Variants in TGM5 observed in about 807,000 individuals in gnomAD.
TGM5 encodes transglutaminase 5.
In TGM5, 69 loss-of-function variants were observed where a neutral mutation model predicts 77.2. The observed-to-expected ratio is 0.89, with a 90% CI of 0.74 to 1.09. TGM5 has a LOEUF of 1.09. Among genes scored for constraint, TGM5 ranks in the 50% least tolerant of loss-of-function variants. The probability of loss-of-function intolerance (pLI) is 0.00; values close to 1 mark genes in which losing one functional copy is unlikely to be tolerated. For synonymous variants in TGM5, 346 were observed against 351.8 expected (o/e 0.98, Z 0.18); for missense variants, 842 against 896.5 (o/e 0.94, Z 0.78).
In TGM5 at chr15:43,260,210, TC is replaced by T; in HGVS notation, c.277del (p.Glu93ArgfsTer10). 1 of 1,613,990 alleles carries T rather than the reference TC, an allele frequency of 6.2e-7. No homozygotes were observed. The highest frequency in any genetic ancestry group is 1.1e-5 in the South Asian group (1 of 91,084). On this transcript the variant is annotated frameshift_variant, in exon 3 of 13. Transcript: ENST00000220420. LOFTEE classifies it high-confidence loss of function. ...HSPSPWIAWL[E>X]TNGATSTEVS... ...CTCTGTGGAGGTGGCCCCATTGGTC[TC>T]CAGCCAGGCAATCCAGGGGCTGGGG...
chr15:43,243,950 G>A (rs530571514), intron 6 of TGM5, among the ~76,000 whole-genome samples: 2 of 152,174 alleles, frequency 1.3e-5, no homozygotes, highest in Non-Finnish European at 2.9e-5. Context: ...AGAGAGGTAA[G>A]GTCACAGGGC....
intron 9 of TGM5, among the ~76,000 whole-genome samples, chr15:43,236,152 A>C (rs1232283380): frequency 6.6e-6 from 1 of 152,180 alleles, no homozygotes; most frequent in South Asian, 2.1e-4. Flanking sequence ...ACTAGTAAGG[A>C]GCAGATCCCA....
intron 10 of TGM5, 62 bp from the exon 11 acceptor site, chr15:43,234,991 G>C: frequency 6.3e-7 from 1 of 1,584,752 alleles, no homozygotes; most frequent in Non-Finnish European, 8.6e-7. Flanking sequence ...ACCTGGGTTG[G>C]ACCTGGGTCT....
chr15:43,247,158 C>CAAAAAA (rs763763932), intron 6 of TGM5, among the ~76,000 whole-genome samples: 1 of 53,680 alleles, frequency 1.9e-5, no homozygotes, highest in African/African-American at 6.3e-5. Flanking sequence ...GACTCTGTCT[C>CAAAAAA]AAAAAAAAAA....
chr15:43,253,455 G>C (rs781074819), intron 5 of TGM5, 51 bp downstream of exon 5: 2 of 1,603,264 alleles, frequency 1.2e-6, no homozygotes, highest in East Asian at 2.2e-5. Flanking sequence ...TGAGTGGGCA[G>C]GGCTCCCGCT....
rs905288446 is a variant in TGM5, at chr15:43,248,866, G to A, written c.862+3893C>T. Reference sequence around the variant, plus strand: ...GTTTTAAAGGCCCCTACATAATTGAGTTAGAAAAATCTTAGATAATATCTA... The same window carrying A: ...GTTTTAAAGGCCCCTACATAATTGAATTAGAAAAATCTTAGATAATATCTA... On this transcript the variant is annotated intron_variant, in intron 6 of 12. Coordinates refer to ENST00000220420, the MANE Select transcript of TGM5 (RefSeq NM_201631.4). Among the ~76,000 whole-genome samples the A allele has an allele frequency of 5.9e-5, 9 of 152,274 alleles. No individual in the cohort carries two copies. The South Asian group carries it at 1.5e-3, about 25-fold the overall frequency.
chr15:43,245,952 A>G (rs1419980131), intron 6 of TGM5, among the ~76,000 whole-genome samples: 1 of 151,882 alleles, frequency 6.6e-6, no homozygotes, highest in Non-Finnish European at 1.5e-5. Context: ...GAGCACTACA[A>G]TCTACTCCCT....
At position 43,240,862 on chromosome 15, in the gene TGM5, CCTT is replaced by C. The variant is rs770430596; in HGVS notation, c.988_990del (p.Lys330del). The stretch of plus-strand genomic sequence containing the variant: ...GAGGTTGTTTCTCACCAGATAGTAT[CCTT>C]CTTCTTATTCCCCAAAATCCTGCCT... On this transcript the variant is annotated inframe_deletion, in exon 7 of 13. Coordinates refer to ENST00000220420, the MANE Select transcript of TGM5 (RefSeq NM_201631.4). 17 of 1,614,006 alleles carry C rather than the reference CCTT, an allele frequency of 1.1e-5. No homozygotes were observed. The highest frequency in any genetic ancestry group is 5.0e-5 in the Admixed American group (3 of 60,000).
chr15:43,246,538 C>T (rs911994009), intron 6 of TGM5, among the ~76,000 whole-genome samples: 1 of 152,122 alleles, frequency 6.6e-6, no homozygotes, highest in African/African-American at 2.4e-5. Context: ...ACAGACAAAT[C>T]GCAATTGAGG....
In TGM5 at chr15:43,233,511, A is replaced by AG. The variant is rs780214018; in HGVS notation, c.2009+42dup. On this transcript the variant is annotated intron_variant, in intron 12 of 12. Coordinates refer to ENST00000220420, the MANE Select transcript of TGM5 (RefSeq NM_201631.4). ...GTTCAGGAAGGATAGTGCTAATCTCAGGGGGGAAAAACAGGAGAAGGCTGA... is the reference window on the plus strand; with the variant it reads ...GTTCAGGAAGGATAGTGCTAATCTCAGGGGGGGAAAAACAGGAGAAGGCTGA... 10 of 1,613,576 alleles carry AG rather than the reference A, an allele frequency of 6.2e-6. No individual in the cohort carries two copies. The Admixed American group carries it at 1.0e-4, about 16-fold the overall frequency.
At chr15:43,233,459 G>A in intron 12 of TGM5, 95 bp downstream of exon 12, 2 of 1,612,250 alleles carry the variant, frequency 1.2e-6, no homozygotes, top group Non-Finnish European at 1.7e-6. Context: ...CTTCCCCGGT[G>A]TTGTGGAGTC....
intron 7 of TGM5, among the ~76,000 whole-genome samples, chr15:43,240,223 G>A (rs537363702): frequency 6.0e-4 from 91 of 152,114 alleles, no homozygotes; most frequent in Non-Finnish European, 1.1e-3. Flanking sequence ...TTCTAGAGAG[G>A]GTTCTGCCCC....
chr15:43,250,379 C>T (rs28393739), intron 6 of TGM5, among the ~76,000 whole-genome samples: 2 of 152,140 alleles, frequency 1.3e-5, no homozygotes, highest in African/African-American at 4.8e-5. Flanking sequence ...TCTGAGGAAA[C>T]TGAGGCACAA....
At chr15:43,233,485 T>C (rs1433378884) in intron 12 of TGM5, 69 bp downstream of exon 12, 8 of 1,613,210 alleles carry the variant, frequency 5.0e-6, no homozygotes, top group Admixed American at 1.7e-5. Context: ...CAGGAACCCA[T>C]GTTCAGGAAG....
intron 6 of TGM5, among the ~76,000 whole-genome samples, chr15:43,241,711 GCCT>G (rs959048283): frequency 1.3e-5 from 2 of 151,832 alleles, no homozygotes; most frequent in African/African-American, 4.8e-5. Context: ...TCGCACTCCA[GCCT>G]CCTCCTCCTC....
At chr15:43,240,663 T>C (rs1216511712) in intron 7 of TGM5, among the ~76,000 whole-genome samples, 189 bp downstream of exon 7, 1 of 135,440 alleles carries the variant, frequency 7.4e-6, no homozygotes, top group Non-Finnish European at 1.6e-5. Flanking sequence ...TGTTCAGATG[T>C]CTCCCAGCTG....
At chr15:43,256,151 G>A (rs1226090071) in intron 4 of TGM5, among the ~76,000 whole-genome samples, 1 of 152,202 alleles carries the variant, frequency 6.6e-6, no homozygotes, top group East Asian at 1.9e-4. Context: ...TCCTTGGTGT[G>A]ACAGAACTGA....
At chr15:43,235,293 G>T (rs2142352316) in intron 10 of TGM5, among the ~76,000 whole-genome samples, 176 bp downstream of exon 10, 1 of 149,858 alleles carries the variant, frequency 6.7e-6, no homozygotes, top group African/African-American at 2.5e-5. Context: ...AGGGAGGGAG[G>T]GAAGGAAGGA....
chr15:43,260,914 C>T (rs1193569466), intron 1 of TGM5, among the ~76,000 whole-genome samples: 1 of 152,082 alleles, frequency 6.6e-6, no homozygotes, highest in African/African-American at 2.4e-5. Context: ...TCCCTTCAGC[C>T]TCACATGGCT....
Sources: allele counts gnomAD v4.1 joint callset (sites outside exome capture counted in the v4.1 genomes callset), GRCh38; gene constraint gnomAD v4.1.1; transcripts MANE v1.5; gene names NCBI Gene and HGNC (gene_info 2026-07-23, HGNC 2026-07-21).